The following NAPB variants were observed in gnomAD, a reference collection of about 807,000 sequenced individuals.
The protein encoded by NAPB is NSF attachment protein beta.
In NAPB, 26 loss-of-function variants were observed where a neutral mutation model predicts 44.7. That is an observed-to-expected ratio of 0.58 (90% CI 0.43 to 0.81). The LOEUF (loss-of-function observed/expected upper bound fraction) is 0.81, where lower values mean the gene tolerates loss of function less well. NAPB is among the 30% of genes least tolerant of loss of function. The pLI is 0.00. For missense variants in NAPB, 315 were observed against 356.4 expected (o/e 0.88, Z 0.94); for synonymous variants, 120 against 116.8 (o/e 1.03, Z -0.18).
chr20:23,412,307 C>A (rs1985710839), intron 1 of NAPB, among the ~76,000 whole-genome samples: 4 of 152,128 alleles, frequency 2.6e-5, no homozygotes, highest in Non-Finnish European at 5.9e-5. Flanking sequence ...CAGCAGAGGG[C>A]ACAAGGTAAC....
chr20:23,388,784 A>G (rs1600569710), intron 7 of NAPB, among the ~76,000 whole-genome samples: 2 of 152,194 alleles, frequency 1.3e-5, no homozygotes, highest in South Asian at 4.2e-4. Context: ...CCTAAACCTA[A>G]CAGCCAAAAC....
intron 7 of NAPB, among the ~76,000 whole-genome samples, chr20:23,389,099 A>G (rs1300805035): frequency 6.6e-6 from 1 of 152,178 alleles, no homozygotes; most frequent in African/African-American, 2.4e-5. Context: ...GTACTGGAAT[A>G]GACATTTCTC....
At chr20:23,404,808 C>T (rs946097092) in intron 1 of NAPB, among the ~76,000 whole-genome samples, 5 of 152,178 alleles carry the variant, frequency 3.3e-5, no homozygotes, top group Non-Finnish European at 5.9e-5. Flanking sequence ...TACCACATGG[C>T]TCCTGCTAGG....
At chr20:23,419,689 CTGTCA>C (rs1986251709) in intron 1 of NAPB, among the ~76,000 whole-genome samples, 4 of 152,328 alleles carry the variant, frequency 2.6e-5, no homozygotes, top group African/African-American at 9.6e-5. Context: ...CTTGATGGTA[CTGTCA>C]TAACTTTTAA....
At chr20:23,421,155 A>C (rs1023988457) in intron 1 of NAPB, 150 bp downstream of exon 1, 5 of 593,980 alleles carry the variant, frequency 8.4e-6, no homozygotes, top group Non-Finnish European at 1.4e-5. Context: ...ACCCTACAGG[A>C]TTTCTGGAGG....
At chr20:23,416,211 C>T (rs1985994842) in intron 1 of NAPB, among the ~76,000 whole-genome samples, 1 of 152,092 alleles carries the variant, frequency 6.6e-6, no homozygotes, top group African/African-American at 2.4e-5. Context: ...ATTACTGGCC[C>T]TCCCTCTCTC....
intron 2 of NAPB, among the ~76,000 whole-genome samples, chr20:23,398,291 A>T (rs1239370115): frequency 6.6e-6 from 1 of 152,190 alleles, no homozygotes; most frequent in Non-Finnish European, 1.5e-5. Context: ...TTAGGTTTCT[A>T]AAAAAATTAT....
intron 1 of NAPB, among the ~76,000 whole-genome samples, chr20:23,411,515 C>T (rs1331117949): frequency 6.6e-6 from 1 of 152,072 alleles, no homozygotes; most frequent in Non-Finnish European, 1.5e-5. Context: ...GACTAGGAAA[C>T]ATAGCTGAAA....
At chr20:23,394,148 G>A (rs1362512769) in intron 5 of NAPB, among the ~76,000 whole-genome samples, 2 of 152,194 alleles carry the variant, frequency 1.3e-5, no homozygotes, top group Non-Finnish European at 2.9e-5. Flanking sequence ...TAGAGAAACA[G>A]AGTATGATGC....
intron 1 of NAPB, among the ~76,000 whole-genome samples, chr20:23,411,113 TGA>T (rs1463941901): frequency 6.6e-6 from 1 of 152,114 alleles, no homozygotes; most frequent in Admixed American, 6.5e-5. Flanking sequence ...ATCCATGTAA[TGA>T]GAGTCCCTAA....
intron 10 of NAPB, 38 bp downstream of exon 10, chr20:23,379,407 C>T: frequency 6.6e-7 from 1 of 1,510,290 alleles, no homozygotes; most frequent in Non-Finnish European, 9.0e-7. Flanking sequence ...TAACTTAAAT[C>T]TTCAAATAAT....
intron 1 of NAPB, among the ~76,000 whole-genome samples, chr20:23,403,659 C>T (rs1364198952): frequency 6.6e-6 from 1 of 150,526 alleles, no homozygotes; most frequent in African/African-American, 2.4e-5. Context: ...AGAGGTGTTA[C>T]AAACTGAAGA....
At chr20:23,394,030 A>G (rs6083111) in intron 5 of NAPB, among the ~76,000 whole-genome samples, 45,236 of 152,108 alleles carry the variant, frequency 0.3, 6,769 homozygotes, top group Middle Eastern at 0.38. Flanking sequence ...GGCCACACAG[A>G]TGCATGGGGA....
At chr20:23,379,412 A>C in intron 10 of NAPB, 33 bp downstream of exon 10, 1 of 1,531,118 alleles carries the variant, frequency 6.5e-7, no homozygotes. Flanking sequence ...TAAATCTTCA[A>C]ATAATGTACC....
chr20:23,404,148 T>C (rs189055441), intron 1 of NAPB, among the ~76,000 whole-genome samples: 2 of 152,188 alleles, frequency 1.3e-5, no homozygotes, highest in East Asian at 3.9e-4. Flanking sequence ...CCTCCCAGAG[T>C]TAACTTTGCT....
At chr20:23,416,196 A>G (rs1366525580) in intron 1 of NAPB, among the ~76,000 whole-genome samples, 1 of 152,188 alleles carries the variant, frequency 6.6e-6, no homozygotes, top group Non-Finnish European at 1.5e-5. Flanking sequence ...AAGGAGCCAC[A>G]TATGATTACT....
intron 5 of NAPB, among the ~76,000 whole-genome samples, chr20:23,390,693 T>C (rs1983879749): frequency 6.6e-6 from 1 of 152,170 alleles, no homozygotes; most frequent in African/African-American, 2.4e-5. Context: ...GACACCAAAA[T>C]GGCAGAACTG....
At chr20:23,401,735 G>T (rs1984866266) in intron 2 of NAPB, among the ~76,000 whole-genome samples, 1 of 152,142 alleles carries the variant, frequency 6.6e-6, no homozygotes, top group South Asian at 2.1e-4. Flanking sequence ...CAAACAATTA[G>T]CTGGGCGTGG....
Position 23,395,192 on chromosome 20 carries a change from C to T in NAPB, c.296-7G>A, listed in dbSNP as rs764984484. On this transcript the variant is annotated splice_polypyrimidine_tract_variant and splice_region_variant and intron_variant, in intron 3 of 10. Coordinates refer to ENST00000377026, the MANE Select transcript of NAPB (RefSeq NM_022080.3). Reference sequence around the variant, plus strand: ...TTTAAGCAGTTGATAGCCTCTGAAGCGTAGGCATTTAAGAAAAACAATGAA... The same window carrying T: ...TTTAAGCAGTTGATAGCCTCTGAAGTGTAGGCATTTAAGAAAAACAATGAA... 1.2e-5 allele frequency: 20 copies of T among 1,613,872 alleles called. No individual in the cohort carries two copies. Among genetic ancestry groups the T allele is most frequent in the Admixed American group, 6.7e-5 (4 of 60,000 alleles).
Sources: allele counts gnomAD v4.1 joint callset (sites outside exome capture counted in the v4.1 genomes callset), GRCh38; gene constraint gnomAD v4.1.1; transcripts MANE v1.5; gene names NCBI Gene and HGNC (gene_info 2026-07-23, HGNC 2026-07-21).